The following XPA variants were observed in gnomAD, a reference collection of about 807,000 sequenced individuals.
XPA encodes the protein DNA repair protein complementing XP-A cells.
Under a neutral mutation model 35.7 loss-of-function variants are expected in XPA, and 27 were observed. The observed-to-expected ratio is 0.76, with a 90% CI of 0.56 to 1.04. XPA has a LOEUF of 1.04. Among genes scored for constraint, XPA ranks in the 50% least tolerant of loss-of-function variants. The pLI, the probability that XPA is intolerant of heterozygous loss-of-function variation, is 0.00. For missense variants in XPA, 354 were observed against 342.7 expected (o/e 1.03, Z -0.26); for synonymous variants, 133 against 118.4 (o/e 1.12, Z -0.80).
downstream of XPA, chr9:97,671,592 A>G (rs927865063): frequency 2.6e-5 from 4 of 156,426 alleles, no homozygotes; most frequent in African/African-American, 9.6e-5. Context: ...TCGGGGATGA[A>G]TTAACATGGC....
At chr9:97,664,354 A>G in the XPA span, 1 of 1,608,512 alleles carries the variant, frequency 6.2e-7, no homozygotes. Flanking sequence ...TTGCTGTACT[A>G]GTGGATAAGA....
At chr9:97,662,830 A>C in the XPA span, 2 of 689,952 alleles carry the variant, frequency 2.9e-6, no homozygotes, top group South Asian at 2.0e-5. Context: ...TTAATGGTTA[A>C]TACTTAGTTA....
rs200956475 is a variant in XPA at position 97,684,991 on chromosome 9, T to G, written c.605A>C (p.Glu202Ala). 1.3e-4 allele frequency: 203 copies of G among 1,613,632 alleles called. No individual in the cohort carries two copies. Among genetic ancestry groups the G allele is most frequent in the Middle Eastern group, 1.6e-4 (1 of 6,080 alleles). Residue 202 changes from glutamate to alanine, a missense_variant, in exon 5 of 6, where the codon GAA (glutamate) becomes GCA (alanine). By Grantham distance (107) the Glu-to-Ala change is moderately radical (BLOSUM62 -1). Coordinates refer to ENST00000375128, the MANE Select transcript of XPA (RefSeq NM_000380.4). The part of the protein sequence containing the change: ...EVWGSQEALE[E>A]AKEVRQENRE... ...GTTTTCCTGTCGGACTTCCTTTGCT[T>G]CTTCTAATGCTTCTTGACTACCCCA... is the stretch of plus-strand genomic sequence containing the variant.
intron 1 of XPA, among the ~76,000 whole-genome samples, chr9:97,695,548 TGGA>T (rs2131408594): frequency 6.6e-6 from 1 of 152,342 alleles, no homozygotes; most frequent in East Asian, 1.9e-4. Flanking sequence ...GAGGGAAAGC[TGGA>T]GTAGTCGAGC....
At chr9:97,658,137 G>A in the XPA span, among the ~76,000 whole-genome samples, 1 of 151,590 alleles carries the variant, frequency 6.6e-6, no homozygotes, top group East Asian at 1.9e-4. Flanking sequence ...CCATTGGGGT[G>A]TCATTGGTTC....
intron 3 of XPA, among the ~76,000 whole-genome samples, chr9:97,687,819 C>G (rs1233120655): frequency 6.6e-6 from 1 of 152,032 alleles, no homozygotes; most frequent in Non-Finnish European, 1.5e-5. Context: ...GATGAGATGC[C>G]GATGAATTCA....
the XPA span, among the ~76,000 whole-genome samples, chr9:97,657,926 A>ATATAT: frequency 7.7e-5 from 7 of 91,420 alleles, no homozygotes; most frequent in East Asian, 3.0e-4. Flanking sequence ...ATATATATAT[A>ATATAT]TTTTTTTTTT....
At chr9:97,682,219 CTG>C (rs749572554) in intron 5 of XPA, 1 of 503,154 alleles carries the variant, frequency 2.0e-6, no homozygotes, top group Non-Finnish European at 4.0e-6. Context: ...AAGAAGTAAA[CTG>C]TGTCAGCTTC....
intron 3 of XPA, among the ~76,000 whole-genome samples, chr9:97,689,013 T>TA (rs907054748): frequency 1.6e-4 from 24 of 150,360 alleles, no homozygotes; most frequent in East Asian, 3.9e-4. Context: ...CTGGGTGATA[T>TA]AAAAAAAAAG....
chr9:97,655,862 A>G, the XPA span: 10 of 1,382,630 alleles, frequency 7.2e-6, no homozygotes, highest in Admixed American at 2.2e-5. Context: ...TTTCTTGGAA[A>G]CTATTTGTAG....
the XPA span, chr9:97,664,299 ATGTGTGTGTG>A: frequency 1.6e-6 from 2 of 1,233,250 alleles, no homozygotes; most frequent in East Asian, 4.7e-5. Flanking sequence ...ATGTGTGTGT[ATGTGTGTGTG>A]TGATTTACTT....
chr9:97,671,304 C>A, downstream of XPA: 2 of 815,186 alleles, frequency 2.5e-6, no homozygotes, highest in Non-Finnish European at 3.9e-6. Flanking sequence ...CCTTTCACTT[C>A]TTAAAGGAAA....
At chr9:97,687,005 C>T (rs1828737429) in intron 4 of XPA, 91 bp downstream of exon 4, 2 of 1,322,980 alleles carry the variant, frequency 1.5e-6, no homozygotes, top group South Asian at 1.4e-5. Context: ...AGTTTTTCCA[C>T]ACTCTGTAAG....
At chr9:97,692,087 G>A (rs1828910031) in intron 2 of XPA, among the ~76,000 whole-genome samples, 1 of 151,766 alleles carries the variant, frequency 6.6e-6, no homozygotes, top group African/African-American at 2.4e-5. Context: ...GAGATTGGGT[G>A]CTCAAGACCA....
At chr9:97,676,059 CTCT>C (rs1828356496) in intron 5 of XPA, 1 of 178,148 alleles carries the variant, frequency 5.6e-6, no homozygotes, top group Admixed American at 5.5e-5. Context: ...AAGTAGAGAA[CTCT>C]ACCACTATGC....
chr9:97,678,054 T>C (rs1244849029), intron 5 of XPA, among the ~76,000 whole-genome samples: 4 of 152,048 alleles, frequency 2.6e-5, no homozygotes, highest in Admixed American at 1.3e-4. Context: ...GACAGAGACA[T>C]AGAAATACAG....
chr9:97,675,708 T>C lies in XPA; in HGVS notation c.674-121A>G, dbSNP rs539486319. On this transcript the variant is annotated intron_variant, in intron 5 of 5. Transcript: ENST00000375128. The stretch of plus-strand genomic sequence containing the variant: ...TGTGTCTATGTGTATTTAAACCATA[T>C]ATAGTTTACCTTAATTTTATAACAA... 1.1e-5 allele frequency: 13 copies of C among 1,207,792 alleles called. No homozygotes were observed. The South Asian group carries it at 1.4e-4, about 13-fold the overall frequency. The allele number at this position is 1,207,792 out of a possible 1,614,324, so 74.8% of individuals were successfully genotyped here.
At chr9:97,659,647 T>C in the XPA span, among the ~76,000 whole-genome samples, 1 of 152,234 alleles carries the variant, frequency 6.6e-6, no homozygotes, top group African/African-American at 2.4e-5. Flanking sequence ...GGCCATGCTG[T>C]TAGCCACTGT....
Position 97,675,317 on chromosome 9 carries a change from T to C in XPA, c.*122A>G, listed in dbSNP as rs750917347. 31 of 1,088,026 alleles carry C rather than the reference T, an allele frequency of 2.8e-5. No individual in the cohort carries two copies. The highest frequency in any genetic ancestry group is 1.9e-4 in the African/African-American group (12 of 62,184). The allele number at this position is 1,088,026 out of a possible 1,614,324, so 67.4% of individuals were successfully genotyped here. A position where few individuals can be genotyped will look rare whatever the true frequency, so the allele number is the denominator to read the frequency against. ...ACATAATTATTACTGAAGTATTACT[T>C]ATACAAGGGTTTCATTCATCTATGA... On this transcript the variant is annotated 3_prime_UTR_variant, in exon 6 of 6. Transcript: ENST00000375128.
Sources: gnomAD v4.1 joint callset for allele counts (sites outside exome capture counted in the v4.1 genomes callset) on GRCh38, gnomAD v4.1.1 for gene constraint, MANE v1.5 for transcripts, NCBI Gene and HGNC (gene_info 2026-07-23, HGNC 2026-07-21) for gene names.